Variants in CAPN2 observed in about 807,000 individuals in gnomAD.
CAPN2 encodes the protein calpain-2 catalytic subunit.
CAPN2 carries 92 observed loss-of-function variants against 102.3 expected under a neutral mutation model. The observed-to-expected ratio is 0.90, with a 90% CI of 0.76 to 1.07. The LOEUF is 1.07. Among genes scored for constraint, CAPN2 ranks in the 50% least tolerant of loss-of-function variants. The probability of loss-of-function intolerance (pLI) is 0.00; values close to 1 mark genes in which losing one functional copy is unlikely to be tolerated. For missense variants in CAPN2, 800 were observed against 909.4 expected, an observed-to-expected ratio of 0.88 and a Z score of 1.55; for synonymous variants, 340 against 355.4, an observed-to-expected ratio of 0.96 and a Z score of 0.49.
Position 223,769,837 on chromosome 1 carries a change from G to A in CAPN2, c.1756-4G>A. The A allele has an allele frequency of 1.2e-6, 2 of 1,606,970 alleles. No individual in the cohort carries two copies. Among genetic ancestry groups the A allele is most frequent in the Non-Finnish European group, 1.7e-6 (2 of 1,176,388 alleles). ...ACTCAAGGGCTTTCCTTGACTGAAG[G>A]CAGTCGGACGGGAGTGGCAAGCTGG... On this transcript the variant is annotated splice_region_variant and splice_polypyrimidine_tract_variant and intron_variant, in intron 16 of 20. Transcript: ENST00000295006.
Position 223,764,137 on chromosome 1 carries a change from T to C in CAPN2, c.1633-13T>C. 1 of 1,612,528 alleles carries C rather than the reference T, an allele frequency of 6.2e-7. No homozygotes were observed. Among genetic ancestry groups the C allele is most frequent in the Non-Finnish European group, 8.5e-7 (1 of 1,178,582 alleles). ...GGGGGGCCAATAACTATGCTCTGGT[T>C]ATGTGTCCACAGGATGCGGAGATCT... On this transcript the variant is annotated splice_polypyrimidine_tract_variant and intron_variant, in intron 14 of 20. Coordinates refer to ENST00000295006, the MANE Select transcript of CAPN2 (RefSeq NM_001748.5).
intron 2 of CAPN2, among the ~76,000 whole-genome samples, chr1:223,743,223 C>T (rs1660668269): frequency 6.6e-6 from 1 of 152,232 alleles, no homozygotes; most frequent in Non-Finnish European, 1.5e-5. Flanking sequence ...GCCTGGCCAG[C>T]TGCCCACCTC....
intron 2 of CAPN2, among the ~76,000 whole-genome samples, chr1:223,741,466 ATAT>A (rs1660614396): frequency 2.2e-5 from 3 of 139,048 alleles, no homozygotes; most frequent in African/African-American, 8.8e-5. Context: ...ATATATATAT[ATAT>A]TTGAGAGGGA....
At position 223,762,191 on chromosome 1, in the gene CAPN2, C is replaced by T. The variant is rs1484720083; in HGVS notation, c.1572C>T (p.Asp524=). Residue 524 remains aspartate, a synonymous_variant, in exon 14 of 21, where the codon GAC becomes GAT. Transcript: ENST00000295006. ...DEIEANLEEF[D]ISEDDIDDGF... ...GTCTCTGCCTCACCTTCCAGTTCGA[C>T]ATCAGCGAGGATGACATTGATGATG... 3 of 1,613,724 alleles carry T rather than the reference C, an allele frequency of 1.9e-6. No individual in the cohort carries two copies. Among genetic ancestry groups the T allele is most frequent in the Non-Finnish European group, 2.5e-6 (3 of 1,179,720 alleles).
Position 223,754,205 on chromosome 1 carries a change from G to T in CAPN2, c.1135+1249G>T, listed in dbSNP as rs1660973826. Among the ~76,000 whole-genome samples, 1 of 152,222 alleles carries T rather than the reference G, an allele frequency of 6.6e-6. No individual in the cohort carries two copies. Among genetic ancestry groups the T allele is most frequent in the Non-Finnish European group, 1.5e-5 (1 of 68,048 alleles). The stretch of plus-strand genomic sequence containing the variant: ...ACAGATGAGGAAGCTGAGCCTCTAA[G>T]TCGCATACCAGGGCCACAGAGCAAG... On this transcript the variant is annotated intron_variant, in intron 9 of 20. Transcript: ENST00000295006. This position sits in a 1 kb window ranked among gnomAD's most constrained non-coding sequence, Gnocchi z 4.7.
chr1:223,772,261 T>C lies in CAPN2; in HGVS notation c.2079+22T>C, dbSNP rs199898101. On this transcript the variant is annotated intron_variant, in intron 20 of 20. Coordinates refer to ENST00000295006, the MANE Select transcript of CAPN2 (RefSeq NM_001748.5). ...CTCTGTGAGTCAGCAGGCCCCGCCT[T>C]GCTTCTAAGGGGATGGGGGAGGCAT... 333 of 1,608,670 alleles carry C rather than the reference T, an allele frequency of 2.1e-4. 1 individual carries two copies. The African/African-American group carries it at 3.6e-3, about 18-fold the overall frequency.
intron 2 of CAPN2, among the ~76,000 whole-genome samples, chr1:223,740,250 A>T (rs1660579365): frequency 6.6e-6 from 1 of 152,198 alleles, no homozygotes; most frequent in Non-Finnish European, 1.5e-5. Flanking sequence ...TCTGTTTGAA[A>T]TGCTTGTTCC....
rs1661607222 is a variant in CAPN2, at chr1:223,775,906, T to C, written c.*1049T>C. 1 of 152,652 alleles carries C rather than the reference T, an allele frequency of 6.6e-6. No individual in the cohort carries two copies. Among genetic ancestry groups the C allele is most frequent in the Non-Finnish European group, 1.5e-5 (1 of 68,030 alleles). The allele number at this position is 152,652 out of a possible 1,614,324, so 9.5% of individuals were successfully genotyped here. On this transcript the variant is annotated 3_prime_UTR_variant, in exon 21 of 21. Transcript: ENST00000295006. The stretch of plus-strand genomic sequence containing the variant: ...AGGACGGTTTATGAGCACACAATTA[T>C]AGCTTGTTTCTACTTTAACAAGGTA...
Position 223,754,771 on chromosome 1 carries a change from G to C in CAPN2, c.1136-709G>C, listed in dbSNP as rs1201585796. Among the ~76,000 whole-genome samples, 3 of 152,206 alleles carry C rather than the reference G, an allele frequency of 2.0e-5. No homozygotes were observed. On this transcript the variant is annotated intron_variant, in intron 9 of 20. Transcript: ENST00000295006. This position sits in a 1 kb window ranked among gnomAD's most constrained non-coding sequence, Gnocchi z 4.7. ...AGGGACGCAGAACAAGAAAGAGTCT[G>C]GAATTATACACAGGATGTTCTTGGC...
chr1:223,771,877 G>A lies in CAPN2; in HGVS notation c.1972G>A (p.Asp658Asn), dbSNP rs761077776. The change falls in exon 19 of 21, where the codon GAT becomes AAT. Residue 658 changes from aspartate (D) to asparagine (N), a missense_variant. Physicochemically the swap from Asp to Asn is conservative, Grantham distance 23. Coordinates refer to ENST00000295006, the MANE Select transcript of CAPN2 (RefSeq NM_001748.5). ...ARFADDQLIIDFDNFVRCLVR... is the reference protein window; with the variant it reads ...ARFADDQLIINFDNFVRCLVR... ...GTTTGCAGATGACCAGCTCATCATC[G>A]ATTTTGATAATTTTGTTCGGTGTTT... 11 of 1,613,988 alleles carry A rather than the reference G, an allele frequency of 6.8e-6. No individual in the cohort carries two copies. The African/African-American group carries it at 8.0e-5, about 12-fold the overall frequency.
intron 2 of CAPN2, among the ~76,000 whole-genome samples, chr1:223,718,261 C>T (rs1388600179): frequency 6.6e-6 from 1 of 152,212 alleles, no homozygotes; most frequent in African/African-American, 2.4e-5. Context: ...GGGAAGGTGA[C>T]TCAGTGTAAA....
chr1:223,774,754 G>T (rs983386688), intron 20 of CAPN2, 80 bp from the exon 21 acceptor site: 32 of 1,296,224 alleles, frequency 2.5e-5, no homozygotes, highest in African/African-American at 4.4e-5. Flanking sequence ...CAAGTTTTTT[G>T]GAACAATCTA....
rs1395772960 is a variant in CAPN2, at chr1:223,755,350, C to T, written c.1136-130C>T. On this transcript the variant is annotated intron_variant, in intron 9 of 20. Coordinates refer to ENST00000295006, the MANE Select transcript of CAPN2 (RefSeq NM_001748.5). This position sits in a 1 kb window ranked among gnomAD's most constrained non-coding sequence, Gnocchi z 4.1. Reference sequence around the variant, plus strand: ...CATCCCCCACCACCTCTTACCATCTCCCACCACCTCCCACCATCTCCCTTT... The same window carrying T: ...CATCCCCCACCACCTCTTACCATCTTCCACCACCTCCCACCATCTCCCTTT... 2 of 839,336 alleles carry T rather than the reference C, an allele frequency of 2.4e-6. No homozygotes were observed. The highest frequency in any genetic ancestry group is 2.6e-5 in the East Asian group (1 of 39,022). 52.0% of individuals were successfully genotyped at this position (839,336 alleles called of 1,614,324 possible). A position where few individuals can be genotyped will look rare whatever the true frequency, so the allele number is the denominator to read the frequency against.
At chr1:223,717,862 A>AT in intron 2 of CAPN2, 31 bp downstream of exon 2, 1 of 1,555,230 alleles carries the variant, frequency 6.4e-7, no homozygotes, top group Non-Finnish European at 8.9e-7. Flanking sequence ...AAGCTGGGGG[A>AT]TCTTGTCTGT....
In CAPN2 at chr1:223,745,372, C is replaced by T. The variant is rs1479198815; in HGVS notation, c.493C>T (p.Leu165=). The change falls in exon 4 of 21, where the codon CTG becomes TTG. Residue 165 remains leucine (L), a synonymous_variant. Coordinates refer to ENST00000295006, the MANE Select transcript of CAPN2 (RefSeq NM_001748.5). ...CAGGCTGCCCACCAAGGACGGGGAGCTGCTCTTTGTGCATTCAGCCGAAGG... is the reference window on the plus strand; with the variant it reads ...CAGGCTGCCCACCAAGGACGGGGAGTTGCTCTTTGTGCATTCAGCCGAAGG... ...DDRLPTKDGE[L]LFVHSAEGSE... 1 of 1,614,192 alleles carries T rather than the reference C, an allele frequency of 6.2e-7. No homozygotes were observed. Among genetic ancestry groups the T allele is most frequent in the Non-Finnish European group, 8.5e-7 (1 of 1,180,026 alleles).
Position 223,737,309 on chromosome 1 carries a change from G to T in CAPN2, c.308-6791G>T, listed in dbSNP as rs557687495. Reference sequence around the variant, plus strand: ...GGGTATGGAGGCAGCCTGGATATAGGGATGGCCGGTCTGTCAAGCCCGTGG... The same window carrying T: ...GGGTATGGAGGCAGCCTGGATATAGTGATGGCCGGTCTGTCAAGCCCGTGG... On this transcript the variant is annotated intron_variant, in intron 2 of 20. Transcript: ENST00000295006. Among the ~76,000 whole-genome samples, 7 of 152,314 alleles carry T rather than the reference G, an allele frequency of 4.6e-5. No individual in the cohort carries two copies. The South Asian group carries it at 1.5e-3, about 32-fold the overall frequency.
At position 223,759,165 on chromosome 1, in the gene CAPN2, C is replaced by A; in HGVS notation, c.1318-105C>A. ...CTCCTTATACACCAGGACAGCAGGA[C>A]TGAGCCACCACACTACCCAACTGCT... On this transcript the variant is annotated intron_variant, in intron 11 of 20. Coordinates refer to ENST00000295006, the MANE Select transcript of CAPN2 (RefSeq NM_001748.5). The surrounding 1 kb of genome is among the most constrained non-coding windows in gnomAD (Gnocchi z 4.6). 9.3e-7 allele frequency: 1 copy of A among 1,076,830 alleles called. No individual in the cohort carries two copies. Among genetic ancestry groups the A allele is most frequent in the Non-Finnish European group, 1.4e-6 (1 of 709,554 alleles). 66.7% of individuals were successfully genotyped at this position (1,076,830 alleles called of 1,614,324 possible). A position where few individuals can be genotyped will look rare whatever the true frequency, so the allele number is the denominator to read the frequency against.
At chr1:223,769,999 A>G in intron 17 of CAPN2, 90 bp downstream of exon 17, 1 of 1,028,612 alleles carries the variant, frequency 9.7e-7, no homozygotes. Flanking sequence ...AGAGTGGAGA[A>G]ACATTTCCAA....
chr1:223,769,982 C>G, intron 17 of CAPN2, 73 bp downstream of exon 17: 1 of 1,155,552 alleles, frequency 8.7e-7, no homozygotes. Flanking sequence ...TGCAGCAACT[C>G]CTGCACAGAG....
Sources: gnomAD v4.1 joint callset for allele counts (sites outside exome capture counted in the v4.1 genomes callset) on GRCh38, gnomAD v4.1.1 for gene constraint, Gnocchi (gnomAD v3.1) non-coding constraint, MANE v1.5 for transcripts, NCBI Gene and HGNC (gene_info 2026-07-23, HGNC 2026-07-21) for gene names.